Variants in WEE2 observed in about 807,000 individuals in gnomAD.
WEE2 encodes the protein wee1-like protein kinase 2.
WEE2 carries 50 observed loss-of-function variants against 60.1 expected under a neutral mutation model. The ratio of observed to expected loss-of-function variants is 0.83; its 90% CI spans 0.66 to 1.05. The LOEUF (loss-of-function observed/expected upper bound fraction) is 1.05. WEE2 is among the 50% of genes least tolerant of loss of function. WEE2 has a pLI of 0.00. For missense variants in WEE2, 631 were observed against 684.3 expected (o/e 0.92, Z 0.87); for synonymous variants, 240 against 241.0 (o/e 1.00, Z 0.04).
At chr7:141,718,937 C>A (rs1798854195) in intron 3 of WEE2, 135 bp from the exon 4 acceptor site, 5 of 729,084 alleles carry the variant, frequency 6.9e-6, no homozygotes, top group Admixed American at 5.2e-5. Context: ...AATATTGACC[C>A]AAGTAGAATT....
At chr7:141,727,671 A>T in intron 10 of WEE2, 1 of 513,920 alleles carries the variant, frequency 1.9e-6, no homozygotes, top group East Asian at 3.1e-5. Context: ...AGTTAACGCA[A>T]ACAAAGGAAG....
chr7:141,718,941 T>C, intron 3 of WEE2, 131 bp from the exon 4 acceptor site: 1 of 752,898 alleles, frequency 1.3e-6, no homozygotes, highest in South Asian at 2.0e-5. Flanking sequence ...TTGACCCAAG[T>C]AGAATTCATT....
At chr7:141,717,978 G>T (rs1157607468) in intron 3 of WEE2, among the ~76,000 whole-genome samples, 2 of 152,158 alleles carry the variant, frequency 1.3e-5, no homozygotes, top group Non-Finnish European at 2.9e-5. Flanking sequence ...AGGCATCTCT[G>T]ATTCTGTGGT....
intron 2 of WEE2, 41 bp downstream of exon 2, chr7:141,714,446 A>G (rs1185717391): frequency 6.8e-7 from 1 of 1,465,958 alleles, no homozygotes; most frequent in South Asian, 1.3e-5. Flanking sequence ...AACTGACCCT[A>G]CTACAGTCAA....
At chr7:141,716,658 T>G (rs1798803565) in intron 3 of WEE2, among the ~76,000 whole-genome samples, 1 of 152,112 alleles carries the variant, frequency 6.6e-6, no homozygotes, top group South Asian at 2.1e-4. Context: ...GTCTGATATG[T>G]ATATGCTGGA....
chr7:141,724,551 TAAG>T (rs1798977332), intron 8 of WEE2, among the ~76,000 whole-genome samples: 1 of 152,206 alleles, frequency 6.6e-6, no homozygotes, highest in Admixed American at 6.5e-5. Flanking sequence ...GATTGCCTAC[TAAG>T]AAGGAAGCCT....
chr7:141,723,019 A>G, intron 5 of WEE2, 115 bp from the exon 6 acceptor site: 1 of 1,361,218 alleles, frequency 7.3e-7, no homozygotes, highest in Non-Finnish European at 1.0e-6. Flanking sequence ...GGGCTTTGAT[A>G]TCTGCAGGAG....
At chr7:141,726,566 T>C (rs1371459200) in intron 9 of WEE2, among the ~76,000 whole-genome samples, 2 of 152,246 alleles carry the variant, frequency 1.3e-5, no homozygotes, top group Non-Finnish European at 2.9e-5. Flanking sequence ...TATTTCCATA[T>C]GTAAACCACT....
rs747811203 is a variant in WEE2 at position 141,720,983 on chromosome 7, C to T, written c.807C>T (p.His269=). The T allele has an allele frequency of 1.9e-6, 3 of 1,613,914 alleles. No homozygotes were observed. The highest frequency in any genetic ancestry group is 1.7e-5 in the Admixed American group (1 of 60,018). Residue 269 remains histidine (H), a synonymous_variant, in exon 5 of 12, where the codon CAC becomes CAT. Coordinates refer to ENST00000397541, the MANE Select transcript of WEE2 (RefSeq NM_001105558.1). ...EVYAHAVLGH[H]PHVVRYYSSW... ...ATGCTCACGCAGTGCTTGGGCATCA[C>T]CCCCATGTGGTACGTTACTATTCCT...
chr7:141,728,326 C>T (rs902350161), intron 10 of WEE2, among the ~76,000 whole-genome samples: 2 of 152,162 alleles, frequency 1.3e-5, no homozygotes, highest in African/African-American at 2.4e-5. Flanking sequence ...CTTGGATATA[C>T]AGTCATCCAT....
chr7:141,718,499 G>A (rs890263223), intron 3 of WEE2, among the ~76,000 whole-genome samples: 2 of 152,160 alleles, frequency 1.3e-5, no homozygotes, highest in African/African-American at 4.8e-5. Context: ...TTGCTAGTTG[G>A]CCAGTAGCGG....
intron 10 of WEE2, among the ~76,000 whole-genome samples, chr7:141,728,671 C>G (rs1340585616): frequency 6.6e-6 from 1 of 152,140 alleles, no homozygotes; most frequent in African/African-American, 2.4e-5. Flanking sequence ...TTGTCTAGAC[C>G]AGGGGTCCCC....
intron 4 of WEE2, 85 bp downstream of exon 4, chr7:141,719,329 A>G (rs766679433): frequency 6.9e-5 from 86 of 1,242,880 alleles, no homozygotes; most frequent in Non-Finnish European, 8.9e-5. Context: ...TAAAGCACCG[A>G]TGTCATTAAA....
intron 3 of WEE2, among the ~76,000 whole-genome samples, chr7:141,716,742 T>C (rs1798805047): frequency 6.6e-6 from 1 of 152,050 alleles, no homozygotes; most frequent in Non-Finnish European, 1.5e-5. Flanking sequence ...TCTACACTCA[T>C]GGGGTAGAGA....
intron 2 of WEE2, among the ~76,000 whole-genome samples, chr7:141,715,701 A>C (rs529775087): frequency 2.6e-5 from 4 of 151,968 alleles, no homozygotes; most frequent in African/African-American, 9.6e-5. Context: ...ATTCTAGGGG[A>C]GGGGTGGGTG....
At chr7:141,723,672 A>AT (rs948979460) in intron 6 of WEE2, among the ~76,000 whole-genome samples, 2 of 152,118 alleles carry the variant, frequency 1.3e-5, no homozygotes, top group East Asian at 1.9e-4. Flanking sequence ...AGTTCTTACT[A>AT]TTTTTTTATT....
chr7:141,718,910 A>AATCTC (rs1798853848), intron 3 of WEE2, among the ~76,000 whole-genome samples, 162 bp from the exon 4 acceptor site: 1 of 152,194 alleles, frequency 6.6e-6, no homozygotes, highest in Non-Finnish European at 1.5e-5. Flanking sequence ...GCAATTGGGG[A>AATCTC]GATTCTTGCT....
chr7:141,722,414 GAA>G (rs1798931751), intron 5 of WEE2, among the ~76,000 whole-genome samples: 2 of 151,904 alleles, frequency 1.3e-5, no homozygotes, highest in Admixed American at 6.6e-5. Flanking sequence ...CAAAAAAAAA[GAA>G]AAAGTGTTCA....
intron 5 of WEE2, 110 bp from the exon 6 acceptor site, chr7:141,723,024 C>T: frequency 6.4e-6 from 9 of 1,402,596 alleles, no homozygotes; most frequent in Non-Finnish European, 7.8e-6. Flanking sequence ...TTGATATCTG[C>T]AGGAGGTCCT....
Sources: gnomAD v4.1 joint callset for allele counts (sites outside exome capture counted in the v4.1 genomes callset) on GRCh38, gnomAD v4.1.1 for gene constraint, MANE v1.5 for transcripts, NCBI Gene and HGNC (gene_info 2026-07-23, HGNC 2026-07-21) for gene names.